CXXC1: variants seen among roughly 807,000 people sequenced by gnomAD.
The protein encoded by CXXC1 is CXXC finger protein 1.
CXXC1 carries 21 observed loss-of-function variants against 83.6 expected under a neutral mutation model. That is an observed-to-expected ratio of 0.25 (90% CI 0.18 to 0.36). The LOEUF is 0.36. Among genes scored for constraint, CXXC1 ranks in the 10% least tolerant of loss-of-function variants. The pLI is 1.00. For missense variants in CXXC1, 688 were observed against 919.5 expected (o/e 0.75, Z 3.26); for synonymous variants, 371 against 337.5 (o/e 1.10, Z -1.09).
In CXXC1 at chr18:50,284,087, A is replaced by G. The variant is rs976325645; in HGVS notation, c.1220T>C (p.Ile407Thr). ...MKLAANRIYEILPQRIQQWQQ... is the reference protein window; with the variant it reads ...MKLAANRIYETLPQRIQQWQQ... ...CCACTGCTGGATGCGCTGGGGGAGG[A>G]TCTCGTAGATGCGGCTGCAGGGAAG... is the stretch of plus-strand genomic sequence containing the variant. Residue 407 changes from isoleucine to threonine, a missense_variant, in exon 10 of 15, where the codon ATC (isoleucine) becomes ACC (threonine). Ile to Thr is a moderately conservative substitution (Grantham distance 89, BLOSUM62 -1). Around this residue, in one of 9 missense-constraint regions of CXXC1, gnomAD observed 100 missense variants for 142.5 expected, o/e 0.70. Coordinates refer to ENST00000285106, the MANE Select transcript of CXXC1 (RefSeq NM_014593.4). The G allele has an allele frequency of 6.2e-7, 1 of 1,605,886 alleles. No individual in the cohort carries two copies. The highest frequency in any genetic ancestry group is 8.5e-7 in the Non-Finnish European group (1 of 1,177,744).
chr18:50,282,709 C>G lies in CXXC1; in HGVS notation c.1855G>C (p.Glu619Gln), dbSNP rs2040536029. 1 of 1,613,942 alleles carries G rather than the reference C, an allele frequency of 6.2e-7. No homozygotes were observed. ...GTCATGGCTGTGCGCACATTGCGCT[C>G]CTGCTCAAACAGCTCGTCCAGCTTG... Reference protein sequence around the residue: ...WYKLDELFEQERNVRTAMTNR... With the variant: ...WYKLDELFEQQRNVRTAMTNR... Residue 619 changes from glutamate (E) to glutamine (Q), a missense_variant, in exon 15 of 15, where the codon GAG becomes CAG. By Grantham distance (29) the Glu-to-Gln change is conservative. Around this residue, in one of 9 missense-constraint regions of CXXC1, gnomAD observed 114 missense variants for 173.3 expected, o/e 0.66. Coordinates refer to ENST00000285106, the MANE Select transcript of CXXC1 (RefSeq NM_014593.4). The surrounding 1 kb of genome is among the most constrained non-coding windows in gnomAD (Gnocchi z 5.8).
Position 50,283,962 on chromosome 18 carries a change from G to C in CXXC1, c.1345C>G (p.Arg449Gly), listed in dbSNP as rs773005021. The part of the protein sequence containing the change: ...SARTRLQEME[R>G]RFHELEAIIL... ...ATGGCCTCAAGCTCATGGAATCGGC[G>C]TTCCATTTCCTGAAGGCGAGTGCGG... The change falls in exon 10 of 15, where the codon CGC becomes GGC. Residue 449 changes from arginine to glycine, a missense_variant. By Grantham distance (125) the Arg-to-Gly change is moderately radical. Around this residue, in one of 9 missense-constraint regions of CXXC1, gnomAD observed 100 missense variants for 142.5 expected, o/e 0.70. Transcript: ENST00000285106. The C allele has an allele frequency of 6.2e-7, 1 of 1,613,852 alleles. No individual in the cohort carries two copies. Among genetic ancestry groups the C allele is most frequent in the Non-Finnish European group, 8.5e-7 (1 of 1,180,004 alleles).
At chr18:50,284,287 A>G in intron 9 of CXXC1, 91 bp downstream of exon 9, 1 of 1,518,436 alleles carries the variant, frequency 6.6e-7, no homozygotes. Context: ...TGACTGGTGG[A>G]TAGCTGATTG....
Position 50,285,629 on chromosome 18 carries a change from C to T in CXXC1, c.639+120G>A. The T allele has an allele frequency of 6.9e-6, 9 of 1,306,324 alleles. No homozygotes were observed. The highest frequency in any genetic ancestry group is 8.5e-6 in the Non-Finnish European group (8 of 939,834). 80.9% of individuals were successfully genotyped at this position (1,306,324 alleles called of 1,614,324 possible). On this transcript the variant is annotated intron_variant, in intron 5 of 14. Coordinates refer to ENST00000285106, the MANE Select transcript of CXXC1 (RefSeq NM_014593.4). The surrounding 1 kb of genome is among the most constrained non-coding windows in gnomAD (Gnocchi z 4.4). ...TCTGGACATGACAGGCCCCTTCCCA[C>T]CTGTCAGGATACAGTCAGGCCCAAT...
chr18:50,283,002 G>T lies in CXXC1; in HGVS notation c.1676C>A (p.Pro559Gln). 6.2e-7 allele frequency: 1 copy of T among 1,613,984 alleles called. No homozygotes were observed. The highest frequency in any genetic ancestry group is 1.1e-5 in the South Asian group (1 of 91,088). The change falls in exon 14 of 15, where the codon CCA (proline) becomes CAA (glutamine). Residue 559 changes from proline (P) to glutamine (Q), a missense_variant. Pro to Gln is a moderately conservative substitution (Grantham distance 76). Transcript: ENST00000285106. Reference protein sequence around the residue: ...CPEHSRDPKVPADEVCGCPLV... With the variant: ...CPEHSRDPKVQADEVCGCPLV... ...GGGGCACCCGCATACCTCGTCAGCT[G>T]GCACCTGCAAGGAGGCCAGGTTGGG...
intron 13 of CXXC1, 98 bp from the exon 14 acceptor site, chr18:50,283,104 G>C: frequency 7.1e-7 from 1 of 1,408,702 alleles, no homozygotes; most frequent in Non-Finnish European, 9.9e-7. Flanking sequence ...AGGGTTCAGG[G>C]AACGGTGAGG....
chr18:50,286,686 T>C, intron 2 of CXXC1, 47 bp from the exon 3 acceptor site: 7 of 1,610,108 alleles, frequency 4.3e-6, no homozygotes, highest in African/African-American at 1.3e-5. Context: ...GCGCGGCCCA[T>C]CGGCCTCACC....
In CXXC1 at chr18:50,287,659, G is replaced by T. The variant is rs899433415; in HGVS notation, c.-70C>A. 3.8e-6 allele frequency: 6 copies of T among 1,592,418 alleles called. No homozygotes were observed. The highest frequency in any genetic ancestry group is 2.7e-5 in the African/African-American group (2 of 74,542). On this transcript the variant is annotated 5_prime_UTR_variant, in exon 1 of 15. Transcript: ENST00000285106. The stretch of plus-strand genomic sequence containing the variant: ...CGCGAACCTGCACAGACCACTCGGC[G>T]GCGTCCCAGGCGGTTGCAAAGGCGC...
chr18:50,285,061 G>C lies in CXXC1; in HGVS notation c.853C>G (p.Pro285Ala). ...TCCTGATACAGGTCAGGATCCAGAG[G>C]TAGGTCCTCATCTGAGAGTGGCTCA... ...TPEPLSDEDLPLDPDLYQDFC... is the reference protein window; with the variant it reads ...TPEPLSDEDLALDPDLYQDFC... The change falls in exon 7 of 15, where the codon CCT becomes GCT. Residue 285 changes from proline to alanine, a missense_variant. Pro to Ala is a conservative substitution (Grantham distance 27, BLOSUM62 -1). Transcript: ENST00000285106. This position sits in a 1 kb window ranked among gnomAD's most constrained non-coding sequence, Gnocchi z 4.4. 6.2e-7 allele frequency: 1 copy of C among 1,614,266 alleles called. No individual in the cohort carries two copies. The highest frequency in any genetic ancestry group is 8.5e-7 in the Non-Finnish European group (1 of 1,180,044).
chr18:50,284,233 G>T, intron 9 of CXXC1, 132 bp from the exon 10 acceptor site: 1 of 1,430,394 alleles, frequency 7.0e-7, no homozygotes, highest in Non-Finnish European at 9.5e-7. Context: ...CACACGGGCA[G>T]GTGGGTGGGT....
rs911087881 is a variant in CXXC1 at position 50,282,409 on chromosome 18, G to A, written c.*184C>T. ...GAGGAGGCAAGGATGAGTGGACTCC[G>A]CAGCCCCACCAGGCACTGAACATGT... On this transcript the variant is annotated 3_prime_UTR_variant, in exon 15 of 15. Coordinates refer to ENST00000285106, the MANE Select transcript of CXXC1 (RefSeq NM_014593.4). This position sits in a 1 kb window ranked among gnomAD's most constrained non-coding sequence, Gnocchi z 5.8. 5.7e-5 allele frequency: 42 copies of A among 735,120 alleles called. No individual in the cohort carries two copies. Among genetic ancestry groups the A allele is most frequent in the Non-Finnish European group, 8.4e-5 (37 of 439,762 alleles). The allele number at this position is 735,120 out of a possible 1,614,324, so 45.5% of individuals were successfully genotyped here. A position where few individuals can be genotyped will look rare whatever the true frequency, so the allele number is the denominator to read the frequency against.
At position 50,285,160 on chromosome 18, in the gene CXXC1, C is replaced by G; in HGVS notation, c.754G>C (p.Gly252Arg). 1 of 1,614,238 alleles carries G rather than the reference C, an allele frequency of 6.2e-7. No individual in the cohort carries two copies. Among genetic ancestry groups the G allele is most frequent in the Non-Finnish European group, 8.5e-7 (1 of 1,180,048 alleles). Residue 252 changes from glycine (G) to arginine (R), a missense_variant, in exon 7 of 15, where the codon GGG becomes CGG. Physicochemically the swap from Gly to Arg is moderately radical, Grantham distance 125 (BLOSUM62 -2). Coordinates refer to ENST00000285106, the MANE Select transcript of CXXC1 (RefSeq NM_014593.4). The surrounding 1 kb of genome is among the most constrained non-coding windows in gnomAD (Gnocchi z 4.4). ...QQQPQPSQKL[G>R]RIREDEGAVA... is the part of the protein sequence containing the mutation. ...GCCCCCTCATCTTCACGGATGCGCC[C>G]TAACTTCTGTGATGGCTGTGGCTGC...
In CXXC1 at chr18:50,284,438, C is replaced by T. The variant is rs202051115; in HGVS notation, c.1145G>A (p.Arg382His). 65 of 1,596,516 alleles carry T rather than the reference C, an allele frequency of 4.1e-5. No homozygotes were observed. The highest frequency in any genetic ancestry group is 3.4e-4 in the Middle Eastern group (2 of 5,966). The change falls in exon 9 of 15, where the codon CGC becomes CAC. Residue 382 changes from arginine (R) to histidine (H), a missense_variant. Physicochemically the swap from Arg to His is conservative, Grantham distance 29. Around this residue, in one of 9 missense-constraint regions of CXXC1, gnomAD observed 100 missense variants for 142.5 expected, o/e 0.70. Coordinates refer to ENST00000285106, the MANE Select transcript of CXXC1 (RefSeq NM_014593.4). ...ATACTTGGAGCTGGGCTGGGCGGGG[C>T]GCACACAGCCGGGCCCCAGGCACTG... ...LPQCLGPGCV[R>H]PAQPSSKYCS... is the part of the protein sequence containing the mutation.
At chr18:50,283,119 A>G in intron 13 of CXXC1, 113 bp from the exon 14 acceptor site, 1 of 1,347,324 alleles carries the variant, frequency 7.4e-7, no homozygotes, top group Non-Finnish European at 1.0e-6. Flanking sequence ...GTGAGGAGGC[A>G]TGGAAAAGGA....
chr18:50,287,573 G>A lies in CXXC1; in HGVS notation c.3+14C>T, dbSNP rs2040735894. On this transcript the variant is annotated intron_variant, in intron 1 of 14. Transcript: ENST00000285106. ...ACCTCCACCGCCGAACCCCTCCCTGGACCCGCTACTTACCATATCTCCGCT... is the reference window on the plus strand; with the variant it reads ...ACCTCCACCGCCGAACCCCTCCCTGAACCCGCTACTTACCATATCTCCGCT... The A allele has an allele frequency of 6.2e-7, 1 of 1,611,984 alleles. No homozygotes were observed. Among genetic ancestry groups the A allele is most frequent in the Non-Finnish European group, 8.5e-7 (1 of 1,179,758 alleles).
At chr18:50,283,049 G>C in intron 13 of CXXC1, 43 bp from the exon 14 acceptor site, 1 of 1,605,894 alleles carries the variant, frequency 6.2e-7, no homozygotes, top group Admixed American at 1.7e-5. Flanking sequence ...CGGTGATAAG[G>C]GAGAATAGGA....
intron 1 of CXXC1, 144 bp from the exon 2 acceptor site, chr18:50,287,002 A>G: frequency 1.5e-6 from 1 of 648,172 alleles, no homozygotes; most frequent in Non-Finnish European, 2.8e-6. Context: ...TCTCCATCAC[A>G]GTCCCCACTG....
Position 50,282,999 on chromosome 18 carries a change from G to A in CXXC1, c.1679C>T (p.Ala560Val), listed in dbSNP as rs758492879. The A allele has an allele frequency of 9.3e-6, 15 of 1,613,872 alleles. No individual in the cohort carries two copies. The highest frequency in any genetic ancestry group is 5.0e-5 in the Admixed American group (3 of 60,018). The change falls in exon 14 of 15, where the codon GCT (alanine) becomes GTT (valine). Residue 560 changes from alanine to valine, a missense_variant. Transcript: ENST00000285106. The surrounding 1 kb of genome is among the most constrained non-coding windows in gnomAD (Gnocchi z 5.8). ...PEHSRDPKVP[A>V]DEVCGCPLVR... ...AAGGGGGCACCCGCATACCTCGTCAGCTGGCACCTGCAAGGAGGCCAGGTT... is the reference window on the plus strand; with the variant it reads ...AAGGGGGCACCCGCATACCTCGTCAACTGGCACCTGCAAGGAGGCCAGGTT...
Position 50,284,105 on chromosome 18 carries a change from C to G in CXXC1, c.1206-4G>C. The G allele has an allele frequency of 1.2e-6, 2 of 1,601,732 alleles. No homozygotes were observed. Among genetic ancestry groups the G allele is most frequent in the Non-Finnish European group, 1.7e-6 (2 of 1,176,142 alleles). ...GGGGAGGATCTCGTAGATGCGGCTG[C>G]AGGGAAGGTAGCAAGCAACAGAATG... On this transcript the variant is annotated splice_polypyrimidine_tract_variant and splice_region_variant and intron_variant, in intron 9 of 14. Coordinates refer to ENST00000285106, the MANE Select transcript of CXXC1 (RefSeq NM_014593.4).
Sources: gnomAD v4.1 joint callset for allele counts on GRCh38, gnomAD v4.1.1 for gene constraint, gnomAD v4.1.1 regional missense constraint, Gnocchi (gnomAD v3.1) non-coding constraint, MANE v1.5 for transcripts, NCBI Gene and HGNC (gene_info 2026-07-23, HGNC 2026-07-21) for gene names.